LYPLAL1: variants seen among roughly 807,000 people sequenced by gnomAD.
The protein encoded by LYPLAL1 is lysophospholipase-like protein 1.
Under a neutral mutation model 19.7 loss-of-function variants are expected in LYPLAL1, and 23 were observed. The ratio of observed to expected loss-of-function variants is 1.17; its 90% CI spans 0.84 to 1.65. LYPLAL1 has a LOEUF of 1.65. Among genes scored for constraint, LYPLAL1 ranks in the 40% most tolerant of loss-of-function variants. LYPLAL1 has a pLI of 0.00. For synonymous variants in LYPLAL1, 119 were observed against 96.3 expected, an observed-to-expected ratio of 1.24 and a Z score of -1.38; for missense variants, 355 against 279.4, an observed-to-expected ratio of 1.27 and a Z score of -1.93.
the LYPLAL1 span, among the ~76,000 whole-genome samples, chr1:219,362,853 G>T: frequency 4.6e-5 from 7 of 151,952 alleles, no homozygotes; most frequent in African/African-American, 1.7e-4. Flanking sequence ...AGAGGTTAGA[G>T]GAAGGAAACA....
the LYPLAL1 span, among the ~76,000 whole-genome samples, chr1:219,325,851 A>G: frequency 6.6e-6 from 1 of 152,170 alleles, no homozygotes; most frequent in African/African-American, 2.4e-5. Flanking sequence ...GTTTGGGATT[A>G]TAGAATTTGG....
chr1:219,276,577 A>G, the LYPLAL1 span, among the ~76,000 whole-genome samples: 4 of 152,242 alleles, frequency 2.6e-5, no homozygotes, highest in African/African-American at 4.8e-5. Flanking sequence ...ATCATGTGGC[A>G]TAGCTTTTTG....
the LYPLAL1 span, among the ~76,000 whole-genome samples, chr1:219,406,182 C>T: frequency 6.6e-6 from 1 of 152,176 alleles, no homozygotes; most frequent in Non-Finnish European, 1.5e-5. Flanking sequence ...ATTATGCAAA[C>T]AATTTTCTCT....
chr1:219,235,541 G>A, the LYPLAL1 span, among the ~76,000 whole-genome samples: 7 of 152,160 alleles, frequency 4.6e-5, no homozygotes, highest in East Asian at 9.6e-4. Context: ...TTTGGAATAT[G>A]TGCCATGACC....
At chr1:219,222,127 ATGT>A in the LYPLAL1 span, 2 of 151,750 alleles carry the variant, frequency 1.3e-5, no homozygotes, top group Admixed American at 6.6e-5. Context: ...GAGCAGGGAG[ATGT>A]TGTCCTATAT....
At chr1:219,441,629 G>C in the LYPLAL1 span, among the ~76,000 whole-genome samples, 2,225 of 152,300 alleles carry the variant, frequency 0.015, 59 homozygotes, top group African/African-American at 0.051. Context: ...CCAGCTTCTA[G>C]CAATAATGCA....
the LYPLAL1 span, among the ~76,000 whole-genome samples, chr1:219,239,798 A>G: frequency 6.6e-6 from 1 of 152,260 alleles, no homozygotes; most frequent in Non-Finnish European, 1.5e-5. Flanking sequence ...GTTAAATTAC[A>G]GCATTTTCCT....
chr1:219,269,154 T>A, the LYPLAL1 span, among the ~76,000 whole-genome samples: 2,670 of 152,288 alleles, frequency 0.018, 41 homozygotes, highest in Non-Finnish European at 0.027. Context: ...GAGATTATTG[T>A]CAGAGAAGAG....
intron 3 of LYPLAL1, among the ~76,000 whole-genome samples, chr1:219,203,643 T>C (rs1309401880): frequency 6.6e-6 from 1 of 152,174 alleles, no homozygotes; most frequent in East Asian, 1.9e-4. Context: ...CAGAAACATG[T>C]TCATGAAAGA....
At chr1:219,377,350 G>A in the LYPLAL1 span, among the ~76,000 whole-genome samples, 1 of 152,184 alleles carries the variant, frequency 6.6e-6, no homozygotes, top group African/African-American at 2.4e-5. Flanking sequence ...GGAATGGGGA[G>A]TTAGTGTTTA....
At chr1:219,253,827 T>C in the LYPLAL1 span, among the ~76,000 whole-genome samples, 6 of 152,112 alleles carry the variant, frequency 3.9e-5, no homozygotes, top group Non-Finnish European at 7.4e-5. Flanking sequence ...GTTCTGAATA[T>C]TTTTGTTAAT....
chr1:219,363,910 G>A, the LYPLAL1 span, among the ~76,000 whole-genome samples: 3 of 152,066 alleles, frequency 2.0e-5, no homozygotes, highest in Non-Finnish European at 4.4e-5. Flanking sequence ...GTAATTCCAG[G>A]CTCCTGGAAA....
chr1:219,300,729 G>A, the LYPLAL1 span, among the ~76,000 whole-genome samples: 1 of 151,542 alleles, frequency 6.6e-6, no homozygotes. Flanking sequence ...TAGAGACGGG[G>A]TTTCACTGTG....
chr1:219,357,459 A>T, the LYPLAL1 span, among the ~76,000 whole-genome samples: 1 of 152,236 alleles, frequency 6.6e-6, no homozygotes, highest in African/African-American at 2.4e-5. Context: ...TTCACATCAC[A>T]CATCATTAAG....
At chr1:219,309,543 C>G in the LYPLAL1 span, among the ~76,000 whole-genome samples, 2 of 152,092 alleles carry the variant, frequency 1.3e-5, no homozygotes, top group Admixed American at 1.3e-4. Context: ...GTGGGAGGAA[C>G]CCGGGGGAGA....
the LYPLAL1 span, among the ~76,000 whole-genome samples, chr1:219,280,192 C>CA: frequency 4.6e-5 from 7 of 152,140 alleles, no homozygotes; most frequent in Non-Finnish European, 7.4e-5. Context: ...GACTGCAGTC[C>CA]AAAACCCTTC....
Position 219,202,336 on chromosome 1 carries a change from CCACA to C in LYPLAL1, c.362-8194_362-8191del, listed in dbSNP as rs1469603991. ...CTATGGTCACCTGGATAGCAAAAGGCCACACTGGAACAGTGGTACCACTTGGAGA... is the reference window on the plus strand; with the variant it reads ...CTATGGTCACCTGGATAGCAAAAGGCCTGGAACAGTGGTACCACTTGGAGA... On this transcript the variant is annotated intron_variant, in intron 3 of 4. Coordinates refer to ENST00000366928, the MANE Select transcript of LYPLAL1 (RefSeq NM_138794.5). Among the ~76,000 whole-genome samples, 4 of 152,194 alleles carry C rather than the reference CCACA, an allele frequency of 2.6e-5. No individual in the cohort carries two copies. In the East Asian group the frequency reaches 5.8e-4, roughly 22 times the overall value.
chr1:219,231,143 T>A, the LYPLAL1 span, among the ~76,000 whole-genome samples: 1 of 152,214 alleles, frequency 6.6e-6, no homozygotes, highest in African/African-American at 2.4e-5. Flanking sequence ...GTTTAGAATT[T>A]TAAGTAAATC....
At chr1:219,204,615 C>A (rs7522574) in intron 3 of LYPLAL1, among the ~76,000 whole-genome samples, 146,939 of 152,306 alleles carry the variant, frequency 0.96, 71,107 homozygotes, top group East Asian at 1. Flanking sequence ...TCAGTGTTTT[C>A]TATTTAGGTA....
Sources: allele counts gnomAD v4.1 joint callset (sites outside exome capture counted in the v4.1 genomes callset), GRCh38; gene constraint gnomAD v4.1.1; transcripts MANE v1.5; gene names NCBI Gene and HGNC (gene_info 2026-07-23, HGNC 2026-07-21).